The following REEP1 variants were observed in gnomAD, a reference collection of about 807,000 sequenced individuals.
REEP1 encodes receptor expression-enhancing protein 1.
In REEP1, 22 loss-of-function variants were observed where a neutral mutation model predicts 40.3. That is an observed-to-expected ratio of 0.55 (90% CI 0.39 to 0.78). REEP1 has a LOEUF of 0.78. Among genes scored for constraint, REEP1 ranks in the 30% least tolerant of loss-of-function variants. The pLI is 0.00. For synonymous variants in REEP1, 116 were observed against 139.2 expected (o/e 0.83, Z 1.17); for missense variants, 280 against 361.1 (o/e 0.78, Z 1.82).
chr2:86,274,662 G>C (rs1392857515), intron 2 of REEP1, among the ~76,000 whole-genome samples: 1 of 152,154 alleles, frequency 6.6e-6, no homozygotes, highest in Non-Finnish European at 1.5e-5. Context: ...TGCAAGATAG[G>C]GATGAGGAGC....
intron 1 of REEP1, among the ~76,000 whole-genome samples, chr2:86,324,938 G>A (rs1680434932): frequency 6.6e-6 from 1 of 152,208 alleles, no homozygotes; most frequent in Non-Finnish European, 1.5e-5. Context: ...TAAAGGTAGT[G>A]TTCTAGTTCT....
intron 1 of REEP1, among the ~76,000 whole-genome samples, chr2:86,320,989 T>G (rs1680251204): frequency 6.6e-6 from 1 of 152,184 alleles, no homozygotes; most frequent in South Asian, 2.1e-4. Context: ...TGGCTAATTT[T>G]TCTATTTTGT....
At chr2:86,239,307 G>A (rs1021457040) in intron 5 of REEP1, among the ~76,000 whole-genome samples, 1 of 146,142 alleles carries the variant, frequency 6.8e-6, no homozygotes, top group Non-Finnish European at 1.5e-5. Context: ...TCCAGAAACC[G>A]AATGAGTGTT....
intron 1 of REEP1, among the ~76,000 whole-genome samples, chr2:86,298,941 GAA>G (rs1029380300): frequency 2.0e-5 from 3 of 152,178 alleles, no homozygotes; most frequent in African/African-American, 7.2e-5. Flanking sequence ...AGAAAAACAG[GAA>G]AACGGGTGTG....
At chr2:86,273,564 G>C (rs1677582145) in intron 2 of REEP1, among the ~76,000 whole-genome samples, 1 of 151,892 alleles carries the variant, frequency 6.6e-6, no homozygotes, top group African/African-American at 2.4e-5. Flanking sequence ...GGGATTACAG[G>C]CTTGATCCAC....
intron 6 of REEP1, among the ~76,000 whole-genome samples, chr2:86,230,368 G>A (rs562883496): frequency 6.6e-6 from 1 of 152,364 alleles, no homozygotes; most frequent in South Asian, 2.1e-4. Context: ...TTCTGGGCCT[G>A]GGGGCCTCAG....
chr2:86,281,106 T>C (rs948465126), intron 2 of REEP1, among the ~76,000 whole-genome samples: 2 of 152,086 alleles, frequency 1.3e-5, no homozygotes, highest in African/African-American at 4.8e-5. Context: ...ACCTTTTGCA[T>C]TTTGAGTTTG....
At chr2:86,337,964 T>TA, upstream of REEP1, 1 of 1,449,326 alleles carries the variant, frequency 6.9e-7, no homozygotes, top group South Asian at 1.2e-5. The surrounding 1 kb of genome is among the most constrained non-coding windows in gnomAD (Gnocchi z 5.8). Context: ...TCTGCACCTG[T>TA]CTAGGTGGGA....
rs1415332288 is a variant in REEP1, at chr2:86,217,063, T to C, written c.831A>G (p.Ser277=). The change falls in exon 9 of 9, where the codon TCA becomes TCG. Residue 277 remains serine, a synonymous_variant. Coordinates refer to ENST00000538924, the MANE Select transcript of REEP1 (RefSeq NM_001371279.1). ...LRSRFRKKST[S]SSATETT ...CTCACGTGGTTTCGGTGGCCGAGGA[T>C]GAGGTACTTTTCTTCCTGAAGCGAG... 6.2e-7 allele frequency: 1 copy of C among 1,614,138 alleles called. No individual in the cohort carries two copies. Among genetic ancestry groups the C allele is most frequent in the East Asian group, 2.2e-5 (1 of 44,880 alleles).
chr2:86,226,457 C>CTTTTTTTTT (rs1558870431), intron 7 of REEP1, among the ~76,000 whole-genome samples: 1 of 39,814 alleles, frequency 2.5e-5, no homozygotes, highest in African/African-American at 4.5e-5. Flanking sequence ...CCTGTTGTGG[C>CTTTTTTTTT]TTTTTCTTTT....
intron 1 of REEP1, among the ~76,000 whole-genome samples, chr2:86,309,853 T>C (rs772981956): frequency 5.9e-5 from 9 of 152,042 alleles, no homozygotes; most frequent in Non-Finnish European, 1.3e-4. Flanking sequence ...AAATACGAAT[T>C]TGGGGGGGCA....
chr2:86,229,755 GGCAT>G (rs757295935), intron 6 of REEP1, among the ~76,000 whole-genome samples: 4 of 151,848 alleles, frequency 2.6e-5, no homozygotes, highest in Non-Finnish European at 5.9e-5. Context: ...TGGGATTACA[GGCAT>G]GCACCACCAC....
chr2:86,269,851 A>C (rs563146839), intron 2 of REEP1, among the ~76,000 whole-genome samples: 70 of 151,956 alleles, frequency 4.6e-4, no homozygotes, highest in African/African-American at 1.6e-3. Flanking sequence ...TAAAAAAAAA[A>C]CTCTTAAAAC....
intron 2 of REEP1, among the ~76,000 whole-genome samples, chr2:86,271,591 T>A (rs544002721): frequency 1.3e-5 from 2 of 152,376 alleles, no homozygotes; most frequent in African/African-American, 4.8e-5. Context: ...ATGTTGTCTT[T>A]GTGACTCTAA....
chr2:86,337,481 C>T lies in REEP1; in HGVS notation c.30G>A (p.Val10=). 4 of 1,295,642 alleles carry T rather than the reference C, an allele frequency of 3.1e-6. No individual in the cohort carries two copies. In the African/African-American group the frequency reaches 4.6e-5, roughly 15 times the overall value. The allele number at this position is 1,295,642 out of a possible 1,614,324, so 80.3% of individuals were successfully genotyped here. A position where few individuals can be genotyped will look rare whatever the true frequency, so the allele number is the denominator to read the frequency against. The change falls in exon 1 of 9, where the codon GTG becomes GTA. Residue 10 remains valine (V), a splice_region_variant and synonymous_variant. Coordinates refer to ENST00000538924, the MANE Select transcript of REEP1 (RefSeq NM_001371279.1). This position sits in a 1 kb window ranked among gnomAD's most constrained non-coding sequence, Gnocchi z 5.8. ...GCGCGGGGGAGAAGGCCACTTACAC[C>T]ACCAGCCTGGAGATGATCCATGACA... is the stretch of plus-strand genomic sequence containing the variant. MVSWIISRL[V]VLIFGTLYPA... is the part of the protein sequence containing the mutation.
intron 1 of REEP1, among the ~76,000 whole-genome samples, chr2:86,313,663 A>G (rs1679864514): frequency 6.6e-6 from 1 of 152,172 alleles, no homozygotes; most frequent in African/African-American, 2.4e-5. Context: ...AGAGATACTA[A>G]TGCCCACCTC....
intron 3 of REEP1, among the ~76,000 whole-genome samples, chr2:86,263,538 C>G (rs6547668): frequency 0.42 from 63,512 of 152,002 alleles, 14,740 homozygotes; most frequent in East Asian, 0.65. Context: ...CACACCTAGG[C>G]CATATATTAG....
intron 1 of REEP1, among the ~76,000 whole-genome samples, chr2:86,335,765 C>T (rs1053517500): frequency 2.7e-5 from 4 of 150,062 alleles, no homozygotes; most frequent in Admixed American, 6.7e-5. Context: ...AGGAGAATCG[C>T]TTGAACCCAG....
chr2:86,258,481 C>T (rs1215689623), intron 3 of REEP1, among the ~76,000 whole-genome samples: 1 of 152,180 alleles, frequency 6.6e-6, no homozygotes, highest in Admixed American at 6.5e-5. Flanking sequence ...TAAAGCCAGG[C>T]CCTCCCCACA....
Sources: gnomAD v4.1 joint callset for allele counts (sites outside exome capture counted in the v4.1 genomes callset) on GRCh38, gnomAD v4.1.1 for gene constraint, Gnocchi (gnomAD v3.1) non-coding constraint, MANE v1.5 for transcripts, NCBI Gene and HGNC (gene_info 2026-07-23, HGNC 2026-07-21) for gene names.